The following DISC1 variants were observed in gnomAD, a reference collection of about 807,000 sequenced individuals.
DISC1 encodes disrupted in schizophrenia 1 protein.
Under a neutral mutation model 84.5 loss-of-function variants are expected in DISC1, and 57 were observed. That is an observed-to-expected ratio of 0.67 (90% CI 0.55 to 0.84). The LOEUF is 0.84. DISC1 is among the 40% of genes least tolerant of loss of function. The probability of loss-of-function intolerance (pLI) is 0.00; values close to 1 mark genes in which losing one functional copy is unlikely to be tolerated. For missense variants in DISC1, 1,000 were observed against 1,057.8 expected, an observed-to-expected ratio of 0.95 and a Z score of 0.76; for synonymous variants, 411 against 415.2, an observed-to-expected ratio of 0.99 and a Z score of 0.12.
intron 1 of DISC1, among the ~76,000 whole-genome samples, chr1:231,645,608 T>G (rs1373315767): frequency 6.6e-6 from 1 of 152,106 alleles, no homozygotes; most frequent in East Asian, 1.9e-4. Flanking sequence ...CTATGTTGGT[T>G]TGCTGCACCC....
At position 232,009,262 on chromosome 1, in the gene DISC1, G is replaced by T; in HGVS notation, c.2307+213G>T. Reference sequence around the variant, plus strand: ...GAAGAGCAAAAAAACCCAACTTTTGGCATATTTAGTTCCATTTTCATTCTA... The same window carrying T: ...GAAGAGCAAAAAAACCCAACTTTTGTCATATTTAGTTCCATTTTCATTCTA... On this transcript the variant is annotated intron_variant, in intron 11 of 12. Transcript: ENST00000439617. The surrounding 1 kb of genome is among the most constrained non-coding windows in gnomAD (Gnocchi z 4.6). 1 of 1,363,488 alleles carries T rather than the reference G, an allele frequency of 7.3e-7. No individual in the cohort carries two copies. The highest frequency in any genetic ancestry group is 9.4e-7 in the Non-Finnish European group (1 of 1,059,076). The allele number at this position is 1,363,488 out of a possible 1,614,324, so 84.5% of individuals were successfully genotyped here.
rs140445375 is a variant in DISC1 at position 231,674,422 on chromosome 1, C to T, written c.68-19404C>T. 4.1e-4 allele frequency among the ~76,000 whole-genome samples: 62 copies of T among 152,300 alleles called. 1 individual carries two copies. Among genetic ancestry groups the T allele is most frequent in the African/African-American group, 1.3e-3 (55 of 41,568 alleles). Reference sequence around the variant, plus strand: ...CCATAGCCATTGGGATAAGACCATGCTATCAATTGTAGAAAGTAGCATTAG... The same window carrying T: ...CCATAGCCATTGGGATAAGACCATGTTATCAATTGTAGAAAGTAGCATTAG... On this transcript the variant is annotated intron_variant, in intron 1 of 12. Coordinates refer to ENST00000439617, the MANE Select transcript of DISC1 (RefSeq NM_018662.3).
chr1:231,960,078 C>G (rs1660172972), intron 10 of DISC1, among the ~76,000 whole-genome samples: 1 of 152,060 alleles, frequency 6.6e-6, no homozygotes, highest in Non-Finnish European at 1.5e-5. Flanking sequence ...AACTGCCTAA[C>G]CTTAGGTAAG....
chr1:231,873,304 C>T (rs1465678879), intron 9 of DISC1, among the ~76,000 whole-genome samples: 3 of 152,328 alleles, frequency 2.0e-5, no homozygotes, highest in East Asian at 1.9e-4. Flanking sequence ...TACTAATCTC[C>T]ATTTCAAAGC....
intron 9 of DISC1, among the ~76,000 whole-genome samples, chr1:231,884,045 G>A (rs1477948955): frequency 6.6e-6 from 1 of 152,052 alleles, no homozygotes; most frequent in Non-Finnish European, 1.5e-5. Flanking sequence ...TCACATTCAA[G>A]ATCTAAGTTT....
intron 9 of DISC1, among the ~76,000 whole-genome samples, chr1:231,935,897 C>T (rs2090954950): frequency 6.6e-6 from 1 of 152,198 alleles, no homozygotes; most frequent in Non-Finnish European, 1.5e-5. Flanking sequence ...GTTACATGCG[C>T]ATGTGGTATG....
rs535608432 is a variant in DISC1, at chr1:231,626,938, G to C, written c.67+4G>C. On this transcript the variant is annotated splice_donor_region_variant and intron_variant, in intron 1 of 12. Coordinates refer to ENST00000439617, the MANE Select transcript of DISC1 (RefSeq NM_018662.3). ...GGCGGCGTGAGCCACCGCGCAGGTA[G>C]GGGAGCTGCCACAGAGTCCTAGCAC... The C allele has an allele frequency of 6.6e-7, 1 of 1,504,274 alleles. No homozygotes were observed. The highest frequency in any genetic ancestry group is 1.4e-5 in the African/African-American group (1 of 68,994). 93.2% of individuals were successfully genotyped at this position (1,504,274 alleles called of 1,614,324 possible). A position where few individuals can be genotyped will look rare whatever the true frequency, so the allele number is the denominator to read the frequency against.
At chr1:232,006,320 A>G (rs1226434352) in intron 10 of DISC1, among the ~76,000 whole-genome samples, 1 of 152,164 alleles carries the variant, frequency 6.6e-6, no homozygotes, top group African/African-American at 2.4e-5. Flanking sequence ...CTTCCTAGAG[A>G]CTTGTTGAAT....
At chr1:232,006,224 AAG>A (rs1485861776) in intron 10 of DISC1, among the ~76,000 whole-genome samples, 2 of 152,214 alleles carry the variant, frequency 1.3e-5, no homozygotes, top group Admixed American at 1.3e-4. Flanking sequence ...AAAAATGTGA[AAG>A]AGACTTGGAA....
intron 4 of DISC1, 157 bp downstream of exon 4, chr1:231,750,233 G>T: frequency 7.0e-7 from 1 of 1,438,144 alleles, no homozygotes. Flanking sequence ...GATTCTTCCA[G>T]AGTGAGAGAT....
chr1:231,715,346 A>G (rs1475703504), intron 3 of DISC1, among the ~76,000 whole-genome samples: 2 of 152,266 alleles, frequency 1.3e-5, no homozygotes, highest in South Asian at 2.1e-4. Context: ...TTAAAAATGC[A>G]TAAAGAAGAT....
At chr1:231,690,508 G>A (rs2064869828) in intron 1 of DISC1, among the ~76,000 whole-genome samples, 1 of 152,132 alleles carries the variant, frequency 6.6e-6, no homozygotes, top group Admixed American at 6.5e-5. Flanking sequence ...CCTCCTTCCG[G>A]AGCTGATTGC....
intron 9 of DISC1, 41 bp from the exon 10 acceptor site, chr1:231,958,786 AC>A (rs1258764785): frequency 6.3e-7 from 1 of 1,577,140 alleles, no homozygotes; most frequent in East Asian, 2.2e-5. Flanking sequence ...TTCAATTGTG[AC>A]TGCAGTTGCA....
chr1:232,010,717 T>C lies in DISC1; in HGVS notation c.2307+1668T>C, dbSNP rs540090815. Among the ~76,000 whole-genome samples, 8 of 152,304 alleles carry C rather than the reference T, an allele frequency of 5.3e-5. No homozygotes were observed. In the South Asian group the frequency reaches 1.2e-3, roughly 24 times the overall value. On this transcript the variant is annotated intron_variant, in intron 11 of 12. Transcript: ENST00000439617. ...AACCAGTGTATTTTTATGCTTAAGT[T>C]TGAAGAATAGCAGACAGATGTGGAG...
intron 10 of DISC1, among the ~76,000 whole-genome samples, chr1:231,990,323 C>G (rs1394971490): frequency 6.6e-6 from 1 of 151,800 alleles, no homozygotes; most frequent in Non-Finnish European, 1.5e-5. Flanking sequence ...ACGGGGAAGG[C>G]AAGCAGAAGC....
At chr1:231,838,169 C>G (rs2082760774) in intron 9 of DISC1, among the ~76,000 whole-genome samples, 1 of 152,144 alleles carries the variant, frequency 6.6e-6, no homozygotes, top group Non-Finnish European at 1.5e-5. Context: ...ATATTTCGTA[C>G]TATTCAGATG....
chr1:231,731,335 G>A (rs1330364959), intron 3 of DISC1, among the ~76,000 whole-genome samples: 1 of 152,240 alleles, frequency 6.6e-6, no homozygotes, highest in Non-Finnish European at 1.5e-5. Context: ...CAGTTCTGCA[G>A]TAATATTTAT....
intron 10 of DISC1, among the ~76,000 whole-genome samples, chr1:231,968,723 T>G (rs1180831808): frequency 6.6e-6 from 1 of 151,978 alleles, no homozygotes; most frequent in Non-Finnish European, 1.5e-5. Context: ...CAACTCCCTG[T>G]GGTCGATCTG....
At chr1:232,029,859 C>T (rs546354546) in intron 12 of DISC1, among the ~76,000 whole-genome samples, 1 of 152,290 alleles carries the variant, frequency 6.6e-6, no homozygotes, top group African/African-American at 2.4e-5. Flanking sequence ...CAAATAGGTC[C>T]TTGTGGCCTC....
Sources: allele counts gnomAD v4.1 joint callset (sites outside exome capture counted in the v4.1 genomes callset), GRCh38; gene constraint gnomAD v4.1.1; non-coding constraint Gnocchi (gnomAD v3.1); transcripts MANE v1.5; gene names NCBI Gene and HGNC (gene_info 2026-07-23, HGNC 2026-07-21).